Variants in PCDH9 observed in about 807,000 individuals in gnomAD.
PCDH9 encodes protocadherin 9.
PCDH9 carries 24 observed loss-of-function variants against 70.6 expected under a neutral mutation model. The observed-to-expected ratio is 0.34, with a 90% CI of 0.25 to 0.48. The LOEUF is 0.48. PCDH9 is among the 20% of genes least tolerant of loss of function. PCDH9 has a pLI of 0.99. For missense variants in PCDH9, 1,281 were observed against 1,503.6 expected (o/e 0.85, Z 2.45); for synonymous variants, 562 against 558.5 (o/e 1.01, Z -0.09).
chr13:66,712,563 ATAAAG>A (rs2078809619), intron 3 of PCDH9, among the ~76,000 whole-genome samples: 1 of 152,184 alleles, frequency 6.6e-6, no homozygotes, highest in Admixed American at 6.5e-5. Context: ...CAATTTTAAA[ATAAAG>A]TATTTTTTTG....
At chr13:66,899,346 G>A (rs1040271119) in intron 3 of PCDH9, among the ~76,000 whole-genome samples, 5 of 151,964 alleles carry the variant, frequency 3.3e-5, no homozygotes, top group African/African-American at 1.2e-4. Flanking sequence ...AAAGTCTAGA[G>A]GCTAAAATTC....
At chr13:67,065,256 T>G (rs1243477275) in intron 2 of PCDH9, among the ~76,000 whole-genome samples, 3 of 152,086 alleles carry the variant, frequency 2.0e-5, no homozygotes, top group African/African-American at 7.2e-5. Flanking sequence ...TGGCTGAGCA[T>G]TTTTTTAAAG....
chr13:66,658,277 G>T (rs2139009126), intron 3 of PCDH9, among the ~76,000 whole-genome samples: 1 of 152,198 alleles, frequency 6.6e-6, no homozygotes, highest in African/African-American at 2.4e-5. Context: ...TAATTTGTAA[G>T]TAATGTTTAT....
At chr13:66,556,317 T>C (rs1404401957) in intron 4 of PCDH9, among the ~76,000 whole-genome samples, 2 of 152,126 alleles carry the variant, frequency 1.3e-5, no homozygotes, top group Non-Finnish European at 2.9e-5. Flanking sequence ...GAGTGTAAGA[T>C]ATGGGGACTA....
chr13:66,986,088 G>A (rs1025010683), intron 2 of PCDH9, among the ~76,000 whole-genome samples: 2 of 151,972 alleles, frequency 1.3e-5, no homozygotes, highest in African/African-American at 4.8e-5. Context: ...CATGGCTGGG[G>A]AGGCCTCAGG....
intron 3 of PCDH9, among the ~76,000 whole-genome samples, chr13:66,862,850 A>G (rs1281318576): frequency 6.6e-6 from 1 of 152,182 alleles, no homozygotes; most frequent in Non-Finnish European, 1.5e-5. Context: ...AAGAATAGTT[A>G]TAAGATAGCA....
At chr13:66,410,497 A>G (rs1311976037) in intron 4 of PCDH9, among the ~76,000 whole-genome samples, 1 of 152,178 alleles carries the variant, frequency 6.6e-6, no homozygotes, top group Non-Finnish European at 1.5e-5. Flanking sequence ...ATCATTATGG[A>G]CATTTTTAGG....
intron 2 of PCDH9, among the ~76,000 whole-genome samples, chr13:66,924,227 T>C (rs1362858086): frequency 1.3e-5 from 2 of 151,862 alleles, no homozygotes; most frequent in Non-Finnish European, 2.9e-5. Flanking sequence ...TTCAACAACA[T>C]ATCTATTCTT....
chr13:66,407,671 C>T (rs1261685332), intron 4 of PCDH9, among the ~76,000 whole-genome samples: 2 of 151,880 alleles, frequency 1.3e-5, no homozygotes, highest in Non-Finnish European at 2.9e-5. Context: ...ATATTAGAAG[C>T]GATCTACAAT....
chr13:66,326,790 C>A (rs867991019), intron 4 of PCDH9, among the ~76,000 whole-genome samples: 2 of 151,794 alleles, frequency 1.3e-5, no homozygotes, highest in Non-Finnish European at 1.5e-5. Flanking sequence ...GAAATTTTAT[C>A]CAATTTTTAA....
At chr13:66,936,359 A>G (rs2139674124) in intron 2 of PCDH9, among the ~76,000 whole-genome samples, 1 of 152,254 alleles carries the variant, frequency 6.6e-6, no homozygotes, top group East Asian at 1.9e-4. Context: ...TTGTTTTCCA[A>G]TTAATATTTT....
At chr13:67,086,153 C>A (rs561237256) in intron 2 of PCDH9, among the ~76,000 whole-genome samples, 278 of 152,234 alleles carry the variant, frequency 1.8e-3, no homozygotes, top group Middle Eastern at 0.017. Flanking sequence ...AGATTTTATT[C>A]TTTATGTATA....
chr13:66,333,205 T>C (rs1955973617), intron 4 of PCDH9, among the ~76,000 whole-genome samples: 2 of 152,184 alleles, frequency 1.3e-5, no homozygotes, highest in Admixed American at 6.5e-5. Flanking sequence ...GTAGTATGTG[T>C]AGATTTGAAG....
intron 3 of PCDH9, among the ~76,000 whole-genome samples, chr13:66,834,151 T>A (rs1381004682): frequency 6.9e-6 from 1 of 145,352 alleles, no homozygotes; most frequent in Non-Finnish European, 1.5e-5. Flanking sequence ...TTTATATACC[T>A]ATGGTCTTTT....
intron 3 of PCDH9, among the ~76,000 whole-genome samples, chr13:66,812,413 T>C (rs2053498): frequency 0.97 from 148,053 of 152,264 alleles, 72,107 homozygotes; most frequent in East Asian, 1. Flanking sequence ...CAGTAAGATT[T>C]TAATATTTAA....
At chr13:66,562,528 T>G (rs964343946) in intron 4 of PCDH9, among the ~76,000 whole-genome samples, 7 of 152,154 alleles carry the variant, frequency 4.6e-5, no homozygotes, top group Admixed American at 4.6e-4. Context: ...AGGCATGTCT[T>G]ACATGGTAGC....
chr13:66,674,941 T>C (rs1302318991), intron 3 of PCDH9, among the ~76,000 whole-genome samples: 2 of 152,112 alleles, frequency 1.3e-5, no homozygotes, highest in African/African-American at 4.8e-5. Context: ...TAGAAACATA[T>C]CTGAGTATAT....
intron 2 of PCDH9, among the ~76,000 whole-genome samples, chr13:67,166,447 T>G (rs1321154555): frequency 6.6e-6 from 1 of 152,170 alleles, no homozygotes; most frequent in Non-Finnish European, 1.5e-5. Context: ...CTTTGAATAT[T>G]CAGTTTCAGA....
chr13:67,191,264 T>C (rs1364924108), intron 2 of PCDH9, among the ~76,000 whole-genome samples: 4 of 152,272 alleles, frequency 2.6e-5, no homozygotes, highest in Non-Finnish European at 5.9e-5. Flanking sequence ...TTTCTGTGTC[T>C]CAACATAAAT....
Sources: allele counts gnomAD v4.1 joint callset (sites outside exome capture counted in the v4.1 genomes callset), GRCh38; gene constraint gnomAD v4.1.1; transcripts MANE v1.5; gene names NCBI Gene and HGNC (gene_info 2026-07-23, HGNC 2026-07-21).